CSMD1: variants seen among roughly 807,000 people sequenced by gnomAD.
CSMD1 encodes CUB and sushi domain-containing protein 1.
CSMD1 carries 213 observed loss-of-function variants against 417.5 expected under a neutral mutation model. That is an observed-to-expected ratio of 0.51 (90% CI 0.46 to 0.57). CSMD1 has a LOEUF of 0.57. Among genes scored for constraint, CSMD1 ranks in the 20% least tolerant of loss-of-function variants. The pLI, the probability that CSMD1 is intolerant of heterozygous loss-of-function variation, is 0.00. For missense variants in CSMD1, 6,923 were observed against 4,529.7 expected, an observed-to-expected ratio of 1.53 and a Z score of -15.17; for synonymous variants, 2,862 against 1,736.8, an observed-to-expected ratio of 1.65 and a Z score of -16.11.
intron 5 of CSMD1, among the ~76,000 whole-genome samples, chr8:3,971,669 G>C (rs1430932449): frequency 6.6e-6 from 1 of 152,096 alleles, no homozygotes; most frequent in African/African-American, 2.4e-5. Context: ...TGGAACATGG[G>C]GGTACTCAGA....
chr8:3,049,284 G>A (rs191411667), intron 50 of CSMD1, among the ~76,000 whole-genome samples: 106 of 152,256 alleles, frequency 7.0e-4, no homozygotes, highest in African/African-American at 2.4e-3. Flanking sequence ...CTTGCACACA[G>A]ATGTTTATAG....
At chr8:3,182,558 G>C (rs1409133713) in intron 36 of CSMD1, among the ~76,000 whole-genome samples, 1 of 149,208 alleles carries the variant, frequency 6.7e-6, no homozygotes, top group Non-Finnish European at 1.5e-5. Context: ...CAAGGACTCT[G>C]GCTGTCTTTT....
At chr8:3,586,977 T>G (rs1800630158) in intron 8 of CSMD1, among the ~76,000 whole-genome samples, 3 of 152,146 alleles carry the variant, frequency 2.0e-5, no homozygotes, top group Non-Finnish European at 2.9e-5. Flanking sequence ...TTTTTGTATT[T>G]TTAGTAGAGA....
chr8:3,391,902 T>G (rs1168110383), intron 17 of CSMD1, among the ~76,000 whole-genome samples: 1 of 152,062 alleles, frequency 6.6e-6, no homozygotes, highest in Non-Finnish European at 1.5e-5. Flanking sequence ...ACAGAAGAGA[T>G]GAGCAATATT....
chr8:3,697,786 G>C (rs759871501), intron 7 of CSMD1, among the ~76,000 whole-genome samples: 3 of 152,134 alleles, frequency 2.0e-5, no homozygotes, highest in Non-Finnish European at 4.4e-5. Context: ...AAAAAGTAGT[G>C]ATGGAAATGC....
chr8:4,985,274 C>T (rs184395941), intron 1 of CSMD1, among the ~76,000 whole-genome samples: 1 of 152,096 alleles, frequency 6.6e-6, no homozygotes, highest in South Asian at 2.1e-4. Flanking sequence ...AGGCTTACTA[C>T]CTTGGTAATG....
chr8:3,417,195 C>G (rs999232500), intron 12 of CSMD1, among the ~76,000 whole-genome samples: 1 of 152,146 alleles, frequency 6.6e-6, no homozygotes, highest in East Asian at 1.9e-4. Context: ...CAAGTTATCA[C>G]AAAATAGATG....
intron 10 of CSMD1, among the ~76,000 whole-genome samples, chr8:3,513,754 G>T (rs993970826): frequency 5.3e-5 from 8 of 152,196 alleles, no homozygotes; most frequent in African/African-American, 1.9e-4. Context: ...TAGGTCAGCT[G>T]CAGAGTGCAG....
At chr8:3,733,048 C>A (rs753918765) in intron 6 of CSMD1, among the ~76,000 whole-genome samples, 1 of 151,654 alleles carries the variant, frequency 6.6e-6, no homozygotes, top group African/African-American at 2.4e-5. Flanking sequence ...ATATGTCAGC[C>A]GAAGTAAATG....
intron 3 of CSMD1, among the ~76,000 whole-genome samples, chr8:4,375,520 T>C (rs1039373686): frequency 8.6e-5 from 13 of 152,030 alleles, no homozygotes; most frequent in African/African-American, 3.1e-4. Flanking sequence ...TCAGAAGAAT[T>C]TTTTTTTCCT....
chr8:4,684,935 A>G (rs1487904855), intron 1 of CSMD1, among the ~76,000 whole-genome samples: 1 of 152,178 alleles, frequency 6.6e-6, no homozygotes, highest in Non-Finnish European at 1.5e-5. Flanking sequence ...TGCCTTTTAC[A>G]TTTGCTCCCA....
chr8:4,397,497 T>C (rs995100491), intron 3 of CSMD1, among the ~76,000 whole-genome samples: 1 of 147,962 alleles, frequency 6.8e-6, no homozygotes, highest in African/African-American at 2.5e-5. Context: ...TGTGTGCCCA[T>C]GAGCAATGTC....
chr8:4,719,095 T>C (rs1808878461), intron 1 of CSMD1, among the ~76,000 whole-genome samples: 1 of 152,090 alleles, frequency 6.6e-6, no homozygotes, highest in Admixed American at 6.6e-5. Flanking sequence ...ATGTGGTTGG[T>C]TTCTGCACAA....
At chr8:4,878,993 G>C (rs1299441001) in intron 1 of CSMD1, among the ~76,000 whole-genome samples, 1 of 152,010 alleles carries the variant, frequency 6.6e-6, no homozygotes, top group African/African-American at 2.4e-5. Context: ...TGGGAGAACA[G>C]GATGGGTGAG....
At chr8:4,783,447 T>C (rs1302328330) in intron 1 of CSMD1, among the ~76,000 whole-genome samples, 1 of 152,216 alleles carries the variant, frequency 6.6e-6, no homozygotes, top group Non-Finnish European at 1.5e-5. Flanking sequence ...TTTGGTAATC[T>C]GCTGCCCTGG....
At chr8:4,661,360 A>G (rs1330312370) in intron 1 of CSMD1, among the ~76,000 whole-genome samples, 1 of 152,224 alleles carries the variant, frequency 6.6e-6, no homozygotes, top group Admixed American at 6.5e-5. Flanking sequence ...TCTTTAGAGA[A>G]CTAGGCTGAG....
rs554902700 is a variant in CSMD1, at chr8:4,978,754, A to G, written c.85+15578T>C. Among the ~76,000 whole-genome samples, 4 of 152,288 alleles carry G rather than the reference A, an allele frequency of 2.6e-5. No homozygotes were observed. In the South Asian group the frequency reaches 8.3e-4, roughly 32 times the overall value. On this transcript the variant is annotated intron_variant, in intron 1 of 69. Transcript: ENST00000635120. ...GTAGTTCGAGACCAGCCTGGCCAACACAGTGAAACCCCGTCTCCACTAAAA... is the reference window on the plus strand; with the variant it reads ...GTAGTTCGAGACCAGCCTGGCCAACGCAGTGAAACCCCGTCTCCACTAAAA...
At chr8:4,019,367 A>C (rs1228792470) in intron 4 of CSMD1, among the ~76,000 whole-genome samples, 4 of 152,100 alleles carry the variant, frequency 2.6e-5, no homozygotes, top group African/African-American at 9.7e-5. Context: ...CTGTTCCCAT[A>C]CATCTCCGTG....
rs180806219 is a variant in CSMD1 at position 4,867,497 on chromosome 8, T to C, written c.85+126835A>G. ...TTATCTGAGGCCAACACTCTTCCTA[T>C]CCCAGCCAACCTCGGATATAATTTT... On this transcript the variant is annotated intron_variant, in intron 1 of 69. Coordinates refer to ENST00000635120, the MANE Select transcript of CSMD1 (RefSeq NM_033225.6). Among the ~76,000 whole-genome samples the C allele has an allele frequency of 1.3e-4, 20 of 152,208 alleles. 1 individual carries two copies. The highest frequency in any genetic ancestry group is 4.8e-4 in the African/African-American group (20 of 41,496).
Sources: allele counts gnomAD v4.1 joint callset (sites outside exome capture counted in the v4.1 genomes callset), GRCh38; gene constraint gnomAD v4.1.1; transcripts MANE v1.5; gene names NCBI Gene and HGNC (gene_info 2026-07-23, HGNC 2026-07-21).